Variants in ST6GALNAC5 observed in about 807,000 individuals in gnomAD.
The protein encoded by ST6GALNAC5 is alpha-N-acetylgalactosaminide alpha-2,6-sialyltransferase 5.
In ST6GALNAC5, 27 loss-of-function variants were observed where a neutral mutation model predicts 33.6. That is an observed-to-expected ratio of 0.80 (90% CI 0.59 to 1.11). The LOEUF (loss-of-function observed/expected upper bound fraction) is 1.11. Ranked by LOEUF, ST6GALNAC5 falls within the 50% of genes least tolerant of loss-of-function variation. The pLI, the probability that ST6GALNAC5 is intolerant of heterozygous loss-of-function variation, is 0.00. For missense variants in ST6GALNAC5, 428 were observed against 454.0 expected, an observed-to-expected ratio of 0.94 and a Z score of 0.52; for synonymous variants, 194 against 171.2, an observed-to-expected ratio of 1.13 and a Z score of -1.04.
chr1:77,012,227 T>C (rs1011274470), intron 2 of ST6GALNAC5, among the ~76,000 whole-genome samples: 1 of 151,206 alleles, frequency 6.6e-6, no homozygotes, highest in African/African-American at 2.4e-5. Context: ...TGTTTAAGAG[T>C]TTTTTAAGCC....
chr1:76,910,191 T>C (rs1447167112), intron 2 of ST6GALNAC5, among the ~76,000 whole-genome samples: 1 of 152,060 alleles, frequency 6.6e-6, no homozygotes, highest in East Asian at 1.9e-4. Context: ...TTGTATGGGT[T>C]TGTCTGACAA....
chr1:76,941,460 T>C (rs1647333722), intron 2 of ST6GALNAC5, among the ~76,000 whole-genome samples: 1 of 152,088 alleles, frequency 6.6e-6, no homozygotes, highest in Non-Finnish European at 1.5e-5. Context: ...CTACAGTGGG[T>C]GGCTCCCCCA....
chr1:76,891,793 T>G lies in ST6GALNAC5; in HGVS notation c.261+23051T>G, dbSNP rs140449031. On this transcript the variant is annotated intron_variant, in intron 2 of 4. Coordinates refer to ENST00000477717, the MANE Select transcript of ST6GALNAC5 (RefSeq NM_030965.3). ...GAGAGGTCCAGCTTCATCTCTGGCA[T>G]GTAGATATCCAGTTGTCCAAGCATA... Among the ~76,000 whole-genome samples, 70 of 152,328 alleles carry G rather than the reference T, an allele frequency of 4.6e-4. 1 individual carries two copies. The East Asian group carries it at 0.013, about 28-fold the overall frequency.
intron 2 of ST6GALNAC5, among the ~76,000 whole-genome samples, chr1:76,932,334 T>G (rs1647152061): frequency 1.3e-5 from 2 of 152,106 alleles, no homozygotes; most frequent in African/African-American, 2.4e-5. Context: ...GAATACATCT[T>G]TCTCTGACTA....
At chr1:77,047,354 G>C (rs1652053285) in intron 3 of ST6GALNAC5, among the ~76,000 whole-genome samples, 1 of 152,138 alleles carries the variant, frequency 6.6e-6, no homozygotes, top group Non-Finnish European at 1.5e-5. Context: ...AAACATTTAG[G>C]GTGTAATGGT....
chr1:77,031,137 C>T (rs560102891), intron 2 of ST6GALNAC5, among the ~76,000 whole-genome samples: 1 of 152,344 alleles, frequency 6.6e-6, no homozygotes, highest in African/African-American at 2.4e-5. Flanking sequence ...AGTCCCTCCC[C>T]AGTGGGTACA....
At chr1:76,947,870 G>C (rs1048751056) in intron 2 of ST6GALNAC5, among the ~76,000 whole-genome samples, 2 of 152,104 alleles carry the variant, frequency 1.3e-5, no homozygotes, top group African/African-American at 4.8e-5. Context: ...TCCTAAGAAA[G>C]ATAGCCGGAG....
intron 4 of ST6GALNAC5, among the ~76,000 whole-genome samples, chr1:77,058,751 G>A (rs1239649762): frequency 6.6e-6 from 1 of 152,328 alleles, no homozygotes; most frequent in Non-Finnish European, 1.5e-5. Context: ...GTGGAGTGCT[G>A]AGCACTGTGT....
rs544905641 is a variant in ST6GALNAC5 at position 76,995,910 on chromosome 1, A to T, written c.262-48294A>T. 2.4e-4 allele frequency among the ~76,000 whole-genome samples: 36 copies of T among 152,288 alleles called. No individual in the cohort carries two copies. In the East Asian group the frequency reaches 6.2e-3, roughly 26 times the overall value. ...CGACTAGCATGGAGCCGAAGAGGAG[A>T]TGAAAACATTTTTATCAAATGAATG... On this transcript the variant is annotated intron_variant, in intron 2 of 4. Coordinates refer to ENST00000477717, the MANE Select transcript of ST6GALNAC5 (RefSeq NM_030965.3).
At position 76,936,724 on chromosome 1, in the gene ST6GALNAC5, A is replaced by G. The variant is rs371753156; in HGVS notation, c.261+67982A>G. ...AGGTTGTCCAAAGGGAATAAATTTTATAATCACTTATCTTTTGAAATTGCA... is the reference window on the plus strand; with the variant it reads ...AGGTTGTCCAAAGGGAATAAATTTTGTAATCACTTATCTTTTGAAATTGCA... On this transcript the variant is annotated intron_variant, in intron 2 of 4. Transcript: ENST00000477717. 3.3e-5 allele frequency among the ~76,000 whole-genome samples: 5 copies of G among 152,122 alleles called. No homozygotes were observed. The South Asian group carries it at 1.0e-3, about 32-fold the overall frequency.
intron 2 of ST6GALNAC5, among the ~76,000 whole-genome samples, chr1:77,025,314 C>T (rs1557765716): frequency 6.6e-6 from 1 of 152,118 alleles, no homozygotes; most frequent in Non-Finnish European, 1.5e-5. Context: ...GGGTGGATCA[C>T]CTGAGGTCAA....
In ST6GALNAC5 at chr1:76,978,226, CT is replaced by C. The variant is rs762070078; in HGVS notation, c.262-65976del. The stretch of plus-strand genomic sequence containing the variant: ...CCTTACATATTCTGCATATTAACCC[CT>C]TGTTAGATGCATAGTTCACACATAC... On this transcript the variant is annotated intron_variant, in intron 2 of 4. Transcript: ENST00000477717. Among the ~76,000 whole-genome samples the C allele has an allele frequency of 3.3e-5, 5 of 152,102 alleles. No individual in the cohort carries two copies. The East Asian group carries it at 9.6e-4, about 29-fold the overall frequency.
intron 2 of ST6GALNAC5, among the ~76,000 whole-genome samples, chr1:76,879,146 A>C (rs1424206670): frequency 6.6e-6 from 1 of 152,184 alleles, no homozygotes; most frequent in East Asian, 1.9e-4. Context: ...GGAACCTCCC[A>C]GCTGGGATGA....
At chr1:77,036,481 C>A (rs1000952366) in intron 2 of ST6GALNAC5, among the ~76,000 whole-genome samples, 1 of 152,120 alleles carries the variant, frequency 6.6e-6, no homozygotes, top group African/African-American at 2.4e-5. Flanking sequence ...AATAAAAAAA[C>A]TAATGGGATT....
intron 2 of ST6GALNAC5, among the ~76,000 whole-genome samples, chr1:76,971,634 C>T (rs1247020431): frequency 2.0e-5 from 3 of 151,898 alleles, no homozygotes; most frequent in Admixed American, 6.6e-5. Flanking sequence ...TATTCCATTT[C>T]GTCCCTCTAT....
At chr1:77,044,745 C>A in intron 3 of ST6GALNAC5, 132 bp downstream of exon 3, 1 of 1,111,646 alleles carries the variant, frequency 9.0e-7, no homozygotes, top group Non-Finnish European at 1.3e-6. Flanking sequence ...CTAGAGTTCA[C>A]TTGTAGGGTC....
At position 76,879,686 on chromosome 1, in the gene ST6GALNAC5, T is replaced by C. The variant is rs186678064; in HGVS notation, c.261+10944T>C. Among the ~76,000 whole-genome samples, 7 of 152,290 alleles carry C rather than the reference T, an allele frequency of 4.6e-5. No homozygotes were observed. The East Asian group carries it at 1.4e-3, about 29-fold the overall frequency. On this transcript the variant is annotated intron_variant, in intron 2 of 4. Transcript: ENST00000477717. ...GTTGCCTCAGGCAGCACAGGGTTTA[T>C]GTCCTCAGACAGATGTGGAAAGGCT...
At chr1:77,019,231 C>CA (rs777596317) in intron 2 of ST6GALNAC5, among the ~76,000 whole-genome samples, 35 of 152,280 alleles carry the variant, frequency 2.3e-4, no homozygotes, top group Admixed American at 3.9e-4. Flanking sequence ...ACTGAAAACA[C>CA]ATCTTCTCTC....
chr1:77,052,964 C>T (rs1243477294), intron 4 of ST6GALNAC5, among the ~76,000 whole-genome samples: 1 of 143,998 alleles, frequency 6.9e-6, no homozygotes, highest in African/African-American at 2.6e-5. Context: ...GCTTCAAAGA[C>T]ACAGCTTCTT....
Sources: allele counts gnomAD v4.1 joint callset (sites outside exome capture counted in the v4.1 genomes callset), GRCh38; gene constraint gnomAD v4.1.1; transcripts MANE v1.5; gene names NCBI Gene and HGNC (gene_info 2026-07-23, HGNC 2026-07-21).